PPP2R2B: variants seen among roughly 807,000 people sequenced by gnomAD.
The protein encoded by PPP2R2B is protein phosphatase 2 regulatory subunit Bbeta.
PPP2R2B carries 5 observed loss-of-function variants against 46.0 expected under a neutral mutation model. The observed-to-expected ratio is 0.11, with a 90% CI of 0.06 to 0.23. The LOEUF is 0.23. Ranked by LOEUF, PPP2R2B falls within the 10% of genes least tolerant of loss-of-function variation. PPP2R2B has a pLI of 1.00. For missense variants in PPP2R2B, 367 were observed against 575.0 expected (o/e 0.64, Z 3.70); for synonymous variants, 215 against 206.7 (o/e 1.04, Z -0.34).
chr5:146,842,016 A>G lies in PPP2R2B; in HGVS notation c.70+35986T>C, dbSNP rs1009893912. On this transcript the variant is annotated intron_variant, in intron 2 of 9. Coordinates refer to ENST00000394411, the MANE Select transcript of PPP2R2B (RefSeq NM_181675.4). Reference sequence around the variant, plus strand: ...TTAGACTGGGCAAACTTCAGAGGTGAGTACTCTGAGACAGGGATTCATCCA... The same window carrying G: ...TTAGACTGGGCAAACTTCAGAGGTGGGTACTCTGAGACAGGGATTCATCCA... Among the ~76,000 whole-genome samples the G allele has an allele frequency of 3.4e-4, 52 of 152,212 alleles. 1 individual carries two copies. The highest frequency in any genetic ancestry group is 1.0e-4 in the Non-Finnish European group (7 of 68,034).
At chr5:146,731,370 T>C (rs1320446963) in intron 2 of PPP2R2B, among the ~76,000 whole-genome samples, 1 of 152,194 alleles carries the variant, frequency 6.6e-6, no homozygotes, top group African/African-American at 2.4e-5. Flanking sequence ...TCTTATAGTA[T>C]CCATTGGCTT....
intron 2 of PPP2R2B, among the ~76,000 whole-genome samples, chr5:146,717,069 C>T (rs962979381): frequency 7.9e-5 from 12 of 152,200 alleles, no homozygotes; most frequent in African/African-American, 2.9e-4. Context: ...TTATGTAATG[C>T]ACATGACAGC....
intron 5 of PPP2R2B, 90 bp from the exon 6 acceptor site, chr5:146,650,814 A>G: frequency 1.6e-6 from 2 of 1,217,526 alleles, no homozygotes; most frequent in Non-Finnish European, 2.3e-6. Context: ...TATCACACAC[A>G]AAATAATAGC....
intron 1 of PPP2R2B, among the ~76,000 whole-genome samples, chr5:147,043,092 A>G (rs1397133157): frequency 6.6e-6 from 1 of 152,136 alleles, no homozygotes; most frequent in Non-Finnish European, 1.5e-5. Flanking sequence ...GTGATAATAT[A>G]TTATACACCT....
At chr5:146,629,973 C>T (rs1422605923) in intron 7 of PPP2R2B, among the ~76,000 whole-genome samples, 1 of 152,052 alleles carries the variant, frequency 6.6e-6, no homozygotes, top group Non-Finnish European at 1.5e-5. Flanking sequence ...GCAACCACAC[C>T]CAGATAATTT....
intron 2 of PPP2R2B, among the ~76,000 whole-genome samples, chr5:146,730,694 G>A (rs1295834904): frequency 6.6e-6 from 1 of 152,080 alleles, no homozygotes; most frequent in African/African-American, 2.4e-5. Context: ...TTCTCTTGCC[G>A]CCACCATGTA....
At position 146,713,356 on chromosome 5, in the gene PPP2R2B, G is replaced by A. The variant is rs180758256; in HGVS notation, c.71-12214C>T. 2.0e-5 allele frequency among the ~76,000 whole-genome samples: 3 copies of A among 152,298 alleles called. No individual in the cohort carries two copies. In the East Asian group the frequency reaches 5.8e-4, roughly 29 times the overall value. ...ATGATATAGAGTCTTGTATAACACA[G>A]CAAGGACTCTCTTACTAAAAGTGAA... On this transcript the variant is annotated intron_variant, in intron 2 of 9. Coordinates refer to ENST00000394411, the MANE Select transcript of PPP2R2B (RefSeq NM_181675.4).
At chr5:146,777,487 T>A (rs1755256840) in intron 2 of PPP2R2B, among the ~76,000 whole-genome samples, 1 of 152,162 alleles carries the variant, frequency 6.6e-6, no homozygotes, top group African/African-American at 2.4e-5. Flanking sequence ...TGAGAAGTTA[T>A]CACTTAATGG....
intron 1 of PPP2R2B, among the ~76,000 whole-genome samples, chr5:147,008,542 T>G (rs1754560138): frequency 6.6e-6 from 1 of 152,162 alleles, no homozygotes; most frequent in African/African-American, 2.4e-5. Flanking sequence ...GTGAACCTAC[T>G]CCCTTCTGCA....
At chr5:147,075,007 G>T (rs1283831345) in intron 2 of PPP2R2B, among the ~76,000 whole-genome samples, 1 of 152,126 alleles carries the variant, frequency 6.6e-6, no homozygotes, top group South Asian at 2.1e-4. Flanking sequence ...AACAAACAAA[G>T]CACCCTAGAA....
rs1304880714 is a variant in PPP2R2B at position 146,590,501 on chromosome 5, TA to T, written c.1053-276del. Among the ~76,000 whole-genome samples the T allele has an allele frequency of 2.0e-5, 3 of 150,308 alleles. No homozygotes were observed. In the Admixed American group the frequency reaches 2.0e-4, roughly 10 times the overall value. On this transcript the variant is annotated intron_variant, in intron 9 of 9. Coordinates refer to ENST00000394411, the MANE Select transcript of PPP2R2B (RefSeq NM_181675.4). Reference sequence around the variant, plus strand: ...CTCCTTGTAATTTGCTTTTGCTCAATAGATTCTTTTTGCTTCTTTGGCTCAG... The same window carrying T: ...CTCCTTGTAATTTGCTTTTGCTCAATGATTCTTTTTGCTTCTTTGGCTCAG...
chr5:146,935,568 A>T (rs907325205), intron 1 of PPP2R2B, among the ~76,000 whole-genome samples: 1 of 152,148 alleles, frequency 6.6e-6, no homozygotes, highest in African/African-American at 2.4e-5. Context: ...AAGGCCACCC[A>T]GCAATATGTG....
At chr5:147,062,810 C>G (rs898898111) in intron 2 of PPP2R2B, among the ~76,000 whole-genome samples, 3 of 151,828 alleles carry the variant, frequency 2.0e-5, no homozygotes, top group Non-Finnish European at 4.4e-5. Flanking sequence ...CAATGACTAC[C>G]GTAATCATGT....
At chr5:146,739,884 T>G (rs1752762345) in intron 2 of PPP2R2B, among the ~76,000 whole-genome samples, 1 of 152,240 alleles carries the variant, frequency 6.6e-6, no homozygotes, top group Non-Finnish European at 1.5e-5. Context: ...GGGAATCCTT[T>G]GTAGATTTGA....
chr5:147,023,951 C>A (rs1325080721), intron 1 of PPP2R2B, among the ~76,000 whole-genome samples: 1 of 152,220 alleles, frequency 6.6e-6, no homozygotes, highest in Non-Finnish European at 1.5e-5. Flanking sequence ...AGAATTTACA[C>A]CAATGCCCCA....
chr5:147,066,221 T>C (rs77839193), intron 2 of PPP2R2B, among the ~76,000 whole-genome samples: 72 of 152,326 alleles, frequency 4.7e-4, no homozygotes, highest in Admixed American at 3.8e-3. Flanking sequence ...TGCCAAAATC[T>C]AGGTATTGGA....
intron 2 of PPP2R2B, among the ~76,000 whole-genome samples, chr5:146,761,740 T>C (rs1192676398): frequency 3.9e-5 from 6 of 152,260 alleles, no homozygotes; most frequent in Non-Finnish European, 7.3e-5. Context: ...CTCAGTTTTC[T>C]GATCAATAAG....
chr5:146,808,957 T>TGG (rs1391814096), intron 2 of PPP2R2B, among the ~76,000 whole-genome samples: 2 of 107,314 alleles, frequency 1.9e-5, no homozygotes, highest in African/African-American at 3.7e-5. Context: ...CTGCTAACAC[T>TGG]GGTGTGTGTG....
intron 1 of PPP2R2B, among the ~76,000 whole-genome samples, chr5:146,923,424 G>A (rs987036579): frequency 1.3e-5 from 2 of 152,128 alleles, no homozygotes; most frequent in Non-Finnish European, 2.9e-5. Flanking sequence ...AACTGTGTTC[G>A]AGTTGATTCT....
Sources: allele counts gnomAD v4.1 joint callset (sites outside exome capture counted in the v4.1 genomes callset), GRCh38; gene constraint gnomAD v4.1.1; transcripts MANE v1.5; gene names NCBI Gene and HGNC (gene_info 2026-07-23, HGNC 2026-07-21).